Variants in SIPA1L1 observed in about 807,000 individuals in gnomAD.
SIPA1L1 encodes the protein signal induced proliferation associated 1 like 1.
SIPA1L1 carries 26 observed loss-of-function variants against 162.7 expected under a neutral mutation model. That is an observed-to-expected ratio of 0.16 (90% CI 0.12 to 0.22). The LOEUF (loss-of-function observed/expected upper bound fraction) is 0.22, where lower values mean the gene tolerates loss of function less well. Among genes scored for constraint, SIPA1L1 ranks in the 10% least tolerant of loss-of-function variants. The pLI is 1.00. For synonymous variants in SIPA1L1, 829 were observed against 837.4 expected, an observed-to-expected ratio of 0.99 and a Z score of 0.17; for missense variants, 1,874 against 2,241.0, an observed-to-expected ratio of 0.84 and a Z score of 3.31.
At chr14:71,530,169 C>A (rs2053288881) in intron 4 of SIPA1L1, among the ~76,000 whole-genome samples, 1 of 152,174 alleles carries the variant, frequency 6.6e-6, no homozygotes, top group African/African-American at 2.4e-5. Flanking sequence ...ATTAGTTTCT[C>A]CCTGGGGAAA....
rs2043243492 is a variant in SIPA1L1, at chr14:71,658,431, C to G, written c.2092C>G (p.Gln698Glu). ...TMLPYTPNNK[Q>E]QLLRKRHIGN... Reference sequence around the variant, plus strand: ...GCTGCCATACACACCCAACAACAAACAACAGGTAAGAGATCCTCCTGTTAT... The same window carrying G: ...GCTGCCATACACACCCAACAACAAAGAACAGGTAAGAGATCCTCCTGTTAT... The change falls in exon 9 of 24, where the codon CAA (glutamine) becomes GAA (glutamate). Residue 698 changes from glutamine to glutamate, a missense_variant. Around this residue, in one of 5 missense-constraint regions of SIPA1L1, gnomAD observed 243 missense variants for 315.0 expected, o/e 0.77. Coordinates refer to ENST00000381232, the MANE Select transcript of SIPA1L1 (RefSeq NM_001386936.1). The G allele has an allele frequency of 6.4e-7, 1 of 1,567,124 alleles. No individual in the cohort carries two copies.
chr14:71,515,822 A>G (rs955548714), intron 3 of SIPA1L1, among the ~76,000 whole-genome samples: 1 of 152,042 alleles, frequency 6.6e-6, no homozygotes, highest in Non-Finnish European at 1.5e-5. Context: ...GTTGTTGTTT[A>G]GTAGAGATGG....
intron 2 of SIPA1L1, among the ~76,000 whole-genome samples, chr14:71,358,445 T>C (rs2037485225): frequency 6.6e-6 from 1 of 152,206 alleles, no homozygotes; most frequent in African/African-American, 2.4e-5. Context: ...GTATAGTCGG[T>C]ACAAGTTAAG....
chr14:71,403,222 CA>C (rs2041802101), intron 2 of SIPA1L1, among the ~76,000 whole-genome samples: 1 of 151,990 alleles, frequency 6.6e-6, no homozygotes, highest in African/African-American at 2.4e-5. Context: ...TTAGAAGTAC[CA>C]ATTCATATTC....
chr14:71,480,068 C>G (rs1024577333), intron 2 of SIPA1L1, among the ~76,000 whole-genome samples: 2 of 151,360 alleles, frequency 1.3e-5, no homozygotes, highest in East Asian at 1.9e-4. Flanking sequence ...AAAGTTTAGA[C>G]TAGTGTTTTT....
chr14:71,675,910 A>C (rs1413985873), intron 12 of SIPA1L1, among the ~76,000 whole-genome samples: 2 of 152,192 alleles, frequency 1.3e-5, no homozygotes, highest in Non-Finnish European at 2.9e-5. Context: ...TTCACATGGG[A>C]GAGTCATTCA....
chr14:71,491,006 A>G (rs1161767291), intron 2 of SIPA1L1, among the ~76,000 whole-genome samples: 1 of 152,202 alleles, frequency 6.6e-6, no homozygotes, highest in East Asian at 1.9e-4. Flanking sequence ...CTAATATTTT[A>G]TAATGCTCTG....
rs373608696 is a variant in SIPA1L1 at position 71,588,256 on chromosome 14, C to T, written c.384C>T (p.Asp128=). The T allele has an allele frequency of 1.7e-5, 28 of 1,614,052 alleles. No individual in the cohort carries two copies. The highest frequency in any genetic ancestry group is 1.5e-4 in the African/African-American group (11 of 74,938). Residue 128 remains aspartate (D), a synonymous_variant, in exon 5 of 24, where the codon GAC becomes GAT. Transcript: ENST00000381232. This position sits in a 1 kb window ranked among gnomAD's most constrained non-coding sequence, Gnocchi z 4.3. ...GTTCTGTTAGCCTCAATTCCAATGA[C>T]TCAGCCATGCTGAAAAGCATACAGA... ...QGSSVSLNSN[D]SAMLKSIQNT...
chr14:71,543,866 TAC>T lies in SIPA1L1; in HGVS notation c.-303+14497_-303+14498del, dbSNP rs1205835411. Among the ~76,000 whole-genome samples the T allele has an allele frequency of 3.7e-4, 53 of 144,318 alleles. 1 individual carries two copies. The East Asian group carries it at 7.5e-3, about 21-fold the overall frequency. 94.7% of individuals were successfully genotyped at this position (144,318 alleles called of 152,430 possible). A position where few individuals can be genotyped will look rare whatever the true frequency, so the allele number is the denominator to read the frequency against. On this transcript the variant is annotated intron_variant, in intron 4 of 23. Coordinates refer to ENST00000381232, the MANE Select transcript of SIPA1L1 (RefSeq NM_001386936.1). ...TGTATGTGTATATATACATATATCA[TAC>T]GTATGTGTATATATACATATATCAT...
At chr14:71,416,719 C>CA (rs2042787020) in intron 2 of SIPA1L1, among the ~76,000 whole-genome samples, 1 of 73,936 alleles carries the variant, frequency 1.4e-5, no homozygotes, top group Non-Finnish European at 3.4e-5. Context: ...AAAGAAAAAT[C>CA]TACACACACA....
intron 4 of SIPA1L1, among the ~76,000 whole-genome samples, chr14:71,569,388 T>C (rs895345801): frequency 3.9e-5 from 6 of 152,216 alleles, no homozygotes. Flanking sequence ...TTTAAGTAGA[T>C]ACTTGGGGTC....
chr14:71,324,369 A>G (rs1243379203), intron 2 of SIPA1L1, among the ~76,000 whole-genome samples: 4 of 152,192 alleles, frequency 2.6e-5, no homozygotes, highest in African/African-American at 9.6e-5. Context: ...AGGTGTCCAT[A>G]TTTAATTGCA....
Position 71,730,201 on chromosome 14 carries a change from C to T in SIPA1L1, c.4761C>T (p.Ala1587=). Reference sequence around the variant, plus strand: ...CCAGGGCGTCACTTCTGGACCAAGCCCTGCCCAACGACGTCCTCTTCAGTA... The same window carrying T: ...CCAGGGCGTCACTTCTGGACCAAGCTCTGCCCAACGACGTCCTCTTCAGTA... ...FTSRASLLDQ[A]LPNDVLFSST... Residue 1587 remains alanine (A), a synonymous_variant, in exon 20 of 24, where the codon GCC becomes GCT. Transcript: ENST00000381232. 1 of 1,614,176 alleles carries T rather than the reference C, an allele frequency of 6.2e-7. No homozygotes were observed. The highest frequency in any genetic ancestry group is 8.5e-7 in the Non-Finnish European group (1 of 1,180,046).
At chr14:71,376,749 T>C (rs760611616) in intron 2 of SIPA1L1, among the ~76,000 whole-genome samples, 2 of 152,034 alleles carry the variant, frequency 1.3e-5, no homozygotes, top group Admixed American at 6.5e-5. Context: ...TACTTGAGAT[T>C]AGGGAGTGGT....
At chr14:71,581,919 C>G (rs768442358) in intron 4 of SIPA1L1, among the ~76,000 whole-genome samples, 3 of 152,178 alleles carry the variant, frequency 2.0e-5, no homozygotes, top group Non-Finnish European at 4.4e-5. Flanking sequence ...GCTGTCCCAA[C>G]TTAGGTCTTT....
At chr14:71,383,587 G>A (rs115687575) in intron 2 of SIPA1L1, among the ~76,000 whole-genome samples, 2 of 152,290 alleles carry the variant, frequency 1.3e-5, no homozygotes, top group Admixed American at 6.5e-5. Flanking sequence ...GGTTCTGCAA[G>A]CGGTACTAGC....
intron 7 of SIPA1L1, among the ~76,000 whole-genome samples, chr14:71,644,360 C>T (rs1298784278): frequency 1.3e-5 from 2 of 152,186 alleles, no homozygotes; most frequent in Non-Finnish European, 2.9e-5. Context: ...CCCACCTTAG[C>T]TTCCAAATCC....
At chr14:71,661,280 T>C in intron 9 of SIPA1L1, 30 bp from the exon 10 acceptor site, 1 of 1,607,372 alleles carries the variant, frequency 6.2e-7, no homozygotes, top group Non-Finnish European at 8.5e-7. Context: ...ATGATTGTTA[T>C]TTATGTTGGT....
At chr14:71,599,383 C>T (rs922785325) in intron 5 of SIPA1L1, among the ~76,000 whole-genome samples, 1 of 151,112 alleles carries the variant, frequency 6.6e-6, no homozygotes, top group African/African-American at 2.4e-5. Context: ...ATGATCCAAC[C>T]TCAAGTGATC....
Sources: gnomAD v4.1 joint callset for allele counts (sites outside exome capture counted in the v4.1 genomes callset) on GRCh38, gnomAD v4.1.1 for gene constraint, gnomAD v4.1.1 regional missense constraint, Gnocchi (gnomAD v3.1) non-coding constraint, MANE v1.5 for transcripts, NCBI Gene and HGNC (gene_info 2026-07-23, HGNC 2026-07-21) for gene names.